The following CLHC1 variants were observed in gnomAD, a reference collection of about 807,000 sequenced individuals.
CLHC1 encodes the protein clathrin heavy chain linker domain containing 1.
A neutral mutation model predicts 69.5 loss-of-function variants in CLHC1; 72 were observed. That is an observed-to-expected ratio of 1.04 (90% confidence interval 0.86 to 1.26). The LOEUF is 1.26. CLHC1 is among the 50% of genes most tolerant of loss of function. CLHC1 has a pLI of 0.00. For missense variants in CLHC1, 790 were observed against 679.3 expected, an observed-to-expected ratio of 1.16 and a Z score of -1.81; for synonymous variants, 223 against 224.3, an observed-to-expected ratio of 0.99 and a Z score of 0.05.
In CLHC1 at chr2:55,177,777, G is replaced by C; in HGVS notation, c.1389C>G (p.Asp463Glu). Reference sequence around the variant, plus strand: ...GACATGACATTAATAGCTGCAACAGGTCATCTGAAGGCAAAAATGAAAAAG... The same window carrying C: ...GACATGACATTAATAGCTGCAACAGCTCATCTGAAGGCAAAAATGAAAAAG... ...IQQLKDFTTD[D>E]LLQLLMSCPQ... is the part of the protein sequence containing the mutation. The change falls in exon 12 of 13, where the codon GAC becomes GAG. Residue 463 changes from aspartate (D) to glutamate (E), a missense_variant. Transcript: ENST00000401408. 1 of 1,598,836 alleles carries C rather than the reference G, an allele frequency of 6.3e-7. No homozygotes were observed. Among genetic ancestry groups the C allele is most frequent in the Non-Finnish European group, 8.5e-7 (1 of 1,174,038 alleles).
chr2:55,184,408 A>G (rs1448844194), intron 9 of CLHC1, among the ~76,000 whole-genome samples: 1 of 152,082 alleles, frequency 6.6e-6, no homozygotes, highest in Non-Finnish European at 1.5e-5. Flanking sequence ...CCTGGCCAAC[A>G]TTCCTGTTTT....
rs1553353361 is a variant in CLHC1 at position 55,208,865 on chromosome 2, C to CCTTTTTTTTTTTTTTTTTTT, written c.815-156_815-155insAAAAAAAAAAAAAAAAAAAG. On this transcript the variant is annotated intron_variant, in intron 7 of 12. Coordinates refer to ENST00000401408, the MANE Select transcript of CLHC1 (RefSeq NM_152385.4). Reference sequence around the variant, plus strand: ...TTAGTGGCCTCCCCGTCCCTTTCCTCTTTTTTTTTTTTTTTTTTTTTTTGA... The same window carrying CCTTTTTTTTTTTTTTTTTTT: ...TTAGTGGCCTCCCCGTCCCTTTCCTCCTTTTTTTTTTTTTTTTTTTTTTTTTTTTTTTTTTTTTTTTTTGA... Among the ~76,000 whole-genome samples, 4 of 90,820 alleles carry CCTTTTTTTTTTTTTTTTTTT rather than the reference C, an allele frequency of 4.4e-5. 1 individual carries two copies. The highest frequency in any genetic ancestry group is 6.6e-5 in the Non-Finnish European group (3 of 45,762). 59.6% of individuals were successfully genotyped at this position (90,820 alleles called of 152,430 possible). A position where few individuals can be genotyped will look rare whatever the true frequency, so the allele number is the denominator to read the frequency against.
intron 5 of CLHC1, among the ~76,000 whole-genome samples, chr2:55,210,758 A>G (rs1672916092): frequency 6.6e-6 from 1 of 152,192 alleles, no homozygotes; most frequent in Admixed American, 6.5e-5. Context: ...CACAAAATAT[A>G]AATGCCTGCC....
At chr2:55,190,230 G>A (rs1173830359) in intron 9 of CLHC1, among the ~76,000 whole-genome samples, 1 of 148,898 alleles carries the variant, frequency 6.7e-6, no homozygotes, top group Non-Finnish European at 1.5e-5. Context: ...TATTTTTTTA[G>A]TAGAGACGTG....
chr2:55,207,128 T>C (rs757121379), intron 8 of CLHC1, among the ~76,000 whole-genome samples: 1 of 146,842 alleles, frequency 6.8e-6, no homozygotes. Flanking sequence ...AAAAAAAAAA[T>C]GAAGCTGCCA....
In CLHC1 at chr2:55,181,706, A is replaced by T. The variant is rs185024935; in HGVS notation, c.1045T>A (p.Leu349Ile). 1.1e-5 allele frequency: 18 copies of T among 1,613,776 alleles called. No individual in the cohort carries two copies. The African/African-American group carries it at 2.4e-4, about 22-fold the overall frequency. The change falls in exon 10 of 13, where the codon TTA (leucine) becomes ATA (isoleucine). Residue 349 changes from leucine (L) to isoleucine (I), a missense_variant. Physicochemically the swap from Leu to Ile is conservative, Grantham distance 5. Coordinates refer to ENST00000401408, the MANE Select transcript of CLHC1 (RefSeq NM_152385.4). Reference protein sequence around the residue: ...KIRGKPLPLLLFFEALFITSH... With the variant: ...KIRGKPLPLLIFFEALFITSH... ...GTGATAAAGAGGGCCTCAAAAAATAAGAGTAATGGAAGAGGCTTTCCTCTA... is the reference window on the plus strand; with the variant it reads ...GTGATAAAGAGGGCCTCAAAAAATATGAGTAATGGAAGAGGCTTTCCTCTA...
Position 55,222,208 on chromosome 2 carries a change from T to G in CLHC1, c.177+27A>C, listed in dbSNP as rs1475206542. 1.9e-6 allele frequency: 3 copies of G among 1,556,104 alleles called. No individual in the cohort carries two copies. In the East Asian group the frequency reaches 6.7e-5, roughly 35 times the overall value. ...AGATCATTGCTATCCTCATGAAAAC[T>G]TAATTGTCTTAAAAGCTTTATGATA... On this transcript the variant is annotated intron_variant, in intron 3 of 12. Coordinates refer to ENST00000401408, the MANE Select transcript of CLHC1 (RefSeq NM_152385.4).
chr2:55,177,535 T>C, intron 12 of CLHC1, 67 bp downstream of exon 12: 2 of 1,154,710 alleles, frequency 1.7e-6, no homozygotes, highest in East Asian at 2.5e-5. Flanking sequence ...AACTCATGCA[T>C]AACCATCTTG....
rs183524580 is a variant in CLHC1, at chr2:55,212,113, C to T, written c.499+560G>A. 2.6e-3 allele frequency among the ~76,000 whole-genome samples: 394 copies of T among 152,120 alleles called. 1 individual carries two copies. The highest frequency in any genetic ancestry group is 9.2e-3 in the African/African-American group (381 of 41,468). ...ACAACATGATGAAACCTCATCTCCACTAAAAACACAAAAATTATCTGGGCA... is the reference window on the plus strand; with the variant it reads ...ACAACATGATGAAACCTCATCTCCATTAAAAACACAAAAATTATCTGGGCA... On this transcript the variant is annotated intron_variant, in intron 5 of 12. Coordinates refer to ENST00000401408, the MANE Select transcript of CLHC1 (RefSeq NM_152385.4).
rs1209307512 is a variant in CLHC1 at position 55,181,424 on chromosome 2, C to T, written c.1181+146G>A. 10 of 651,278 alleles carry T rather than the reference C, an allele frequency of 1.5e-5. No individual in the cohort carries two copies. In the Admixed American group the frequency reaches 1.6e-4, roughly 10 times the overall value. 40.3% of individuals were successfully genotyped at this position (651,278 alleles called of 1,614,324 possible). A position where few individuals can be genotyped will look rare whatever the true frequency, so the allele number is the denominator to read the frequency against. On this transcript the variant is annotated intron_variant, in intron 10 of 12. Coordinates refer to ENST00000401408, the MANE Select transcript of CLHC1 (RefSeq NM_152385.4). ...GATTAGAGGCATGAGCCACCACACC[C>T]GACCACTAAACACTTTCTGATTAAT...
intron 9 of CLHC1, among the ~76,000 whole-genome samples, chr2:55,194,113 G>A (rs1042703980): frequency 2.6e-5 from 4 of 152,016 alleles, no homozygotes; most frequent in Non-Finnish European, 5.9e-5. Flanking sequence ...GCAGTTTGGA[G>A]AGGAAGAAGA....
intron 9 of CLHC1, among the ~76,000 whole-genome samples, chr2:55,194,572 G>T (rs559727229): frequency 6.7e-6 from 1 of 149,350 alleles, no homozygotes; most frequent in East Asian, 2.0e-4. Flanking sequence ...AAAAAAAAAA[G>T]TCACCCAGAT....
chr2:55,183,241 T>C (rs1322932801), intron 9 of CLHC1, among the ~76,000 whole-genome samples: 1 of 152,218 alleles, frequency 6.6e-6, no homozygotes, highest in African/African-American at 2.4e-5. Context: ...CAGTTTCTAT[T>C]TAGTTTAGAC....
chr2:55,232,523 G>C (rs1324395892), upstream of CLHC1: 1 of 501,114 alleles, frequency 2.0e-6, no homozygotes, highest in South Asian at 2.1e-5. Flanking sequence ...GCTAAAGTGA[G>C]AAATAAGCCC....
chr2:55,193,919 A>G (rs1671160808), intron 9 of CLHC1, among the ~76,000 whole-genome samples: 1 of 152,236 alleles, frequency 6.6e-6, no homozygotes, highest in Non-Finnish European at 1.5e-5. Context: ...GTACATTCAT[A>G]CAATGGAATA....
chr2:55,186,588 TACA>T (rs141056218), intron 9 of CLHC1, among the ~76,000 whole-genome samples: 8,933 of 151,864 alleles, frequency 0.059, 328 homozygotes, highest in East Asian at 0.11. Flanking sequence ...ATGTCATCTC[TACA>T]ACAACAACAA....
At chr2:55,220,417 A>G (rs1029669293) in intron 3 of CLHC1, among the ~76,000 whole-genome samples, 1 of 152,242 alleles carries the variant, frequency 6.6e-6, no homozygotes, top group Non-Finnish European at 1.5e-5. Flanking sequence ...AGTTTCTCAA[A>G]GTACCAAATG....
intron 2 of CLHC1, chr2:55,224,501 T>A: frequency 2.8e-6 from 1 of 358,878 alleles, no homozygotes; most frequent in Non-Finnish European, 5.7e-6. Flanking sequence ...GTGTGGCCAG[T>A]GTACTCGGAG....
chr2:55,175,752 G>A lies in CLHC1; in HGVS notation c.*38C>T, dbSNP rs1428195856. 6.8e-7 allele frequency: 1 copy of A among 1,467,806 alleles called. No individual in the cohort carries two copies. Among genetic ancestry groups the A allele is most frequent in the Non-Finnish European group, 9.5e-7 (1 of 1,053,876 alleles). 90.9% of individuals were successfully genotyped at this position (1,467,806 alleles called of 1,614,324 possible). On this transcript the variant is annotated 3_prime_UTR_variant, in exon 13 of 13. Coordinates refer to ENST00000401408, the MANE Select transcript of CLHC1 (RefSeq NM_152385.4). ...GTTTTTCCCAACCAGCATACATAAG[G>A]TGTTGTACAAGCTCCCTCAGCTGGT...
Sources: allele counts gnomAD v4.1 joint callset (sites outside exome capture counted in the v4.1 genomes callset), GRCh38; gene constraint gnomAD v4.1.1; transcripts MANE v1.5; gene names NCBI Gene and HGNC (gene_info 2026-07-23, HGNC 2026-07-21).